Variants in STXBP5L observed in about 807,000 individuals in gnomAD.
STXBP5L encodes syntaxin-binding protein 5-like.
Under a neutral mutation model 144.5 loss-of-function variants are expected in STXBP5L, and 65 were observed. That is an observed-to-expected ratio of 0.45 (90% confidence interval 0.37 to 0.55). The LOEUF is 0.55. Among genes scored for constraint, STXBP5L ranks in the 20% least tolerant of loss-of-function variants. The pLI is 0.00. For missense variants in STXBP5L, 1,298 were observed against 1,405.5 expected, an observed-to-expected ratio of 0.92 and a Z score of 1.22; for synonymous variants, 505 against 469.6, an observed-to-expected ratio of 1.08 and a Z score of -0.97.
chr3:121,072,454 G>A (rs538688755), intron 5 of STXBP5L, among the ~76,000 whole-genome samples: 1 of 152,362 alleles, frequency 6.6e-6, no homozygotes, highest in Non-Finnish European at 1.5e-5. Context: ...AGTTTCTAAT[G>A]CAGTTTTTCC....
chr3:120,972,392 T>C (rs1048158098), intron 3 of STXBP5L, among the ~76,000 whole-genome samples: 1 of 152,150 alleles, frequency 6.6e-6, no homozygotes, highest in African/African-American at 2.4e-5. Context: ...TGTATATAAA[T>C]GGTTTTGATT....
intron 3 of STXBP5L, among the ~76,000 whole-genome samples, chr3:120,980,617 A>G (rs1236562021): frequency 1.3e-5 from 2 of 152,100 alleles, no homozygotes; most frequent in Non-Finnish European, 2.9e-5. Context: ...TGGGTTTCTT[A>G]TAAGAAGCTA....
chr3:121,374,970 A>G (rs963497075), intron 20 of STXBP5L, among the ~76,000 whole-genome samples: 1 of 141,208 alleles, frequency 7.1e-6, no homozygotes, highest in African/African-American at 2.6e-5. Flanking sequence ...ATTTGTACAC[A>G]TGGACATAGA....
intron 5 of STXBP5L, among the ~76,000 whole-genome samples, chr3:121,111,423 G>A (rs561677213): frequency 6.6e-6 from 1 of 152,262 alleles, no homozygotes; most frequent in East Asian, 1.9e-4. Flanking sequence ...GGGTTTTTGA[G>A]GGGACTTTTT....
chr3:121,099,201 G>C (rs890463940), intron 5 of STXBP5L: 2 of 152,166 alleles, frequency 1.3e-5, no homozygotes, highest in African/African-American at 4.8e-5. Context: ...AGGTTGGTGG[G>C]TGACTGTCTG....
intron 9 of STXBP5L, among the ~76,000 whole-genome samples, chr3:121,166,854 GA>G (rs2046518912): frequency 6.6e-6 from 1 of 152,102 alleles, no homozygotes; most frequent in Non-Finnish European, 1.5e-5. Flanking sequence ...GCTCAGAAGT[GA>G]AATAATAGCA....
intron 2 of STXBP5L, among the ~76,000 whole-genome samples, chr3:120,936,571 T>G (rs1215219257): frequency 6.6e-6 from 1 of 152,154 alleles, no homozygotes; most frequent in Non-Finnish European, 1.5e-5. Flanking sequence ...CAGTTGTCTT[T>G]AGGTTCACTT....
Position 121,407,292 on chromosome 3 carries a change from C to T in STXBP5L, c.2637C>T (p.Asp879=), listed in dbSNP as rs2047013220. ...CTGTGCTAACATTCTCCTGTATGGA[C>T]CGAATGGGTGGATTAATGCAACCGC... The part of the protein sequence containing the change: ...KGAVLTFSCM[D]RMGGLMQPPY... Residue 879 remains aspartate, a synonymous_variant, in exon 23 of 27, where the codon GAC becomes GAT. Transcript: ENST00000471454. The T allele has an allele frequency of 1.2e-6, 2 of 1,608,618 alleles. No individual in the cohort carries two copies. The highest frequency in any genetic ancestry group is 1.7e-6 in the Non-Finnish European group (2 of 1,177,570).
chr3:121,055,740 A>T (rs761109861), intron 5 of STXBP5L, among the ~76,000 whole-genome samples: 6 of 151,770 alleles, frequency 4.0e-5, no homozygotes, highest in Non-Finnish European at 8.8e-5. Flanking sequence ...TCACTCTGTC[A>T]CCTAAGCTGG....
rs190301426 is a variant in STXBP5L at position 121,076,100 on chromosome 3, C to T, written c.470+30565C>T. 2.7e-4 allele frequency among the ~76,000 whole-genome samples: 41 copies of T among 152,192 alleles called. No individual in the cohort carries two copies. The East Asian group carries it at 6.0e-3, about 22-fold the overall frequency. Reference sequence around the variant, plus strand: ...GGCTGATAAACGAAGAGCTGTTCTGCCCCTTGGACTTCATTCTGTGCATTC... The same window carrying T: ...GGCTGATAAACGAAGAGCTGTTCTGTCCCTTGGACTTCATTCTGTGCATTC... On this transcript the variant is annotated intron_variant, in intron 5 of 26. Transcript: ENST00000471454.
intron 20 of STXBP5L, among the ~76,000 whole-genome samples, chr3:121,355,001 G>A (rs765757354): frequency 6.6e-6 from 1 of 152,052 alleles, no homozygotes; most frequent in Non-Finnish European, 1.5e-5. Context: ...CTTTAAGAAT[G>A]TTGAATATTG....
At chr3:121,153,195 G>A (rs924741986) in intron 8 of STXBP5L, among the ~76,000 whole-genome samples, 3 of 151,998 alleles carry the variant, frequency 2.0e-5, no homozygotes, top group Admixed American at 1.3e-4. Flanking sequence ...TATTCATCAA[G>A]GAATAATCTC....
intron 7 of STXBP5L, among the ~76,000 whole-genome samples, chr3:121,136,275 C>A (rs1261039115): frequency 6.6e-6 from 1 of 152,164 alleles, no homozygotes; most frequent in Non-Finnish European, 1.5e-5. Context: ...ATAGTGCCCA[C>A]CACAGTAAAA....
chr3:121,157,899 G>T, intron 9 of STXBP5L: 1 of 318,610 alleles, frequency 3.1e-6, no homozygotes, highest in Non-Finnish European at 5.7e-6. Context: ...GATATATCTG[G>T]GGCAGAGGAG....
intron 5 of STXBP5L, among the ~76,000 whole-genome samples, chr3:121,056,399 T>G (rs956741739): frequency 6.6e-6 from 1 of 152,136 alleles, no homozygotes; most frequent in Non-Finnish European, 1.5e-5. Flanking sequence ...TATTTAATTT[T>G]TCTTACTCTA....
chr3:121,294,282 A>G (rs1003550871), intron 19 of STXBP5L, among the ~76,000 whole-genome samples: 4 of 152,252 alleles, frequency 2.6e-5, no homozygotes, highest in Non-Finnish European at 4.4e-5. Flanking sequence ...GCTACTGATT[A>G]TCATTCAATG....
At chr3:120,934,640 T>G (rs932616825) in intron 2 of STXBP5L, among the ~76,000 whole-genome samples, 19 of 152,236 alleles carry the variant, frequency 1.2e-4, no homozygotes, top group African/African-American at 3.4e-4. Context: ...CTTGTACTTC[T>G]ATTAGTTTTT....
chr3:121,090,699 AT>A (rs2042736585), intron 5 of STXBP5L, among the ~76,000 whole-genome samples: 1 of 152,124 alleles, frequency 6.6e-6, no homozygotes, highest in Non-Finnish European at 1.5e-5. Context: ...TACTAATAAC[AT>A]TGTTGATCAT....
At chr3:121,266,257 G>A (rs956389549) in intron 18 of STXBP5L, among the ~76,000 whole-genome samples, 1 of 152,142 alleles carries the variant, frequency 6.6e-6, no homozygotes, top group Non-Finnish European at 1.5e-5. Context: ...GAATCCAGCA[G>A]GACATCAAAA....
Sources: allele counts gnomAD v4.1 joint callset (sites outside exome capture counted in the v4.1 genomes callset), GRCh38; gene constraint gnomAD v4.1.1; transcripts MANE v1.5; gene names NCBI Gene and HGNC (gene_info 2026-07-23, HGNC 2026-07-21).